Variants in CDC73 observed in about 807,000 individuals in gnomAD.
CDC73 encodes the protein parafibromin.
In CDC73, 21 loss-of-function variants were observed where a neutral mutation model predicts 83.7. The observed-to-expected ratio is 0.25, with a 90% confidence interval of 0.18 to 0.36. The LOEUF (loss-of-function observed/expected upper bound fraction) is 0.36. Ranked by LOEUF, CDC73 falls within the 10% of genes least tolerant of loss-of-function variation. The probability of loss-of-function intolerance (pLI) is 1.00; values close to 1 mark genes in which losing one functional copy is unlikely to be tolerated. For missense variants in CDC73, 342 were observed against 653.3 expected (o/e 0.52, Z 5.19); for synonymous variants, 224 against 212.9 (o/e 1.05, Z -0.45).
At chr1:193,232,915 T>C in intron 13 of CDC73, 78 bp from the exon 14 acceptor site, 2 of 1,278,178 alleles carry the variant, frequency 1.6e-6, no homozygotes, top group Non-Finnish European at 2.2e-6. Flanking sequence ...AAAAAAAAAA[T>C]ATTTCAAATT....
chr1:193,137,350 A>T (rs1397058296), intron 5 of CDC73, among the ~76,000 whole-genome samples: 1 of 152,204 alleles, frequency 6.6e-6, no homozygotes, highest in Non-Finnish European at 1.5e-5. Context: ...GAGTATGCTG[A>T]TGCTTTTTAT....
At position 193,184,500 on chromosome 1, in the gene CDC73, GTATT is replaced by G. The variant is rs527885195; in HGVS notation, c.973-19291_973-19288del. 4.1e-3 allele frequency among the ~76,000 whole-genome samples: 624 copies of G among 151,958 alleles called. 5 individuals carry two copies. Among genetic ancestry groups the G allele is most frequent in the African/African-American group, 0.014 (589 of 41,530 alleles). On this transcript the variant is annotated intron_variant, in intron 10 of 16. Coordinates refer to ENST00000367435, the MANE Select transcript of CDC73 (RefSeq NM_024529.5). ...TTTGATATCTTCACATTATTAATGTGTATTTATAGCTTGTGGATGAAGTTCATGG... is the reference window on the plus strand; with the variant it reads ...TTTGATATCTTCACATTATTAATGTGTATAGCTTGTGGATGAAGTTCATGG...
At chr1:193,206,892 C>G (rs927538976) in intron 11 of CDC73, among the ~76,000 whole-genome samples, 2 of 152,038 alleles carry the variant, frequency 1.3e-5, no homozygotes, top group Non-Finnish European at 2.9e-5. Flanking sequence ...CACTTTAAAC[C>G]TATAAAGCTC....
intron 15 of CDC73, among the ~76,000 whole-genome samples, chr1:193,247,384 C>T (rs1321802334): frequency 6.7e-6 from 1 of 149,482 alleles, no homozygotes; most frequent in Non-Finnish European, 1.5e-5. Flanking sequence ...AGTCCCTCAT[C>T]TCTCTCTCTC....
chr1:193,245,683 C>G (rs1291822141), intron 15 of CDC73, among the ~76,000 whole-genome samples: 1 of 151,998 alleles, frequency 6.6e-6, no homozygotes, highest in Non-Finnish European at 1.5e-5. Flanking sequence ...TATGGTAGTT[C>G]TCTTGGTAGT....
intron 10 of CDC73, among the ~76,000 whole-genome samples, chr1:193,174,056 AT>A (rs1226884824): frequency 6.6e-6 from 1 of 151,712 alleles, no homozygotes; most frequent in East Asian, 1.9e-4. Context: ...AAAATTGTAA[AT>A]TTTTTTCCCA....
rs539512159 is a variant in CDC73, at chr1:193,191,584, C to T, written c.973-12211C>T. On this transcript the variant is annotated intron_variant, in intron 10 of 16. Coordinates refer to ENST00000367435, the MANE Select transcript of CDC73 (RefSeq NM_024529.5). ...TGTATTTTTAGTAGAGTCGCGGTTT[C>T]GTCATGTTGCAGGCTGGTCTCAAAC... Among the ~76,000 whole-genome samples, 1,228 of 152,064 alleles carry T rather than the reference C, an allele frequency of 8.1e-3. 13 individuals are homozygous for T. Among genetic ancestry groups the T allele is most frequent in the Non-Finnish European group, 0.012 (825 of 67,984 alleles).
intron 10 of CDC73, among the ~76,000 whole-genome samples, chr1:193,193,183 C>T (rs1286911457): frequency 6.6e-6 from 1 of 152,308 alleles, no homozygotes; most frequent in East Asian, 1.9e-4. Context: ...ATTCTGTGCC[C>T]TGCCCCCAAC....
intron 5 of CDC73, chr1:193,136,568 A>G (rs1304433590): frequency 1.4e-5 from 3 of 213,774 alleles, no homozygotes; most frequent in African/African-American, 7.0e-5. Flanking sequence ...TGTGCATATC[A>G]TCTATGAGCG....
intron 13 of CDC73, among the ~76,000 whole-genome samples, chr1:193,225,576 T>A (rs1320686188): frequency 6.6e-6 from 1 of 152,176 alleles, no homozygotes; most frequent in Admixed American, 6.5e-5. Context: ...TCTATTGTTT[T>A]TTGATTTTTT....
intron 11 of CDC73, among the ~76,000 whole-genome samples, chr1:193,209,882 C>T (rs969545320): frequency 2.6e-5 from 4 of 152,142 alleles, no homozygotes; most frequent in East Asian, 1.9e-4. Context: ...TCCTCTCCCC[C>T]CTCTCTGCCT....
chr1:193,201,618 A>G (rs1042246007), intron 10 of CDC73, among the ~76,000 whole-genome samples: 35 of 152,318 alleles, frequency 2.3e-4, no homozygotes, highest in African/African-American at 8.4e-4. Context: ...TGGGTCATCA[A>G]ACAAGGATTA....
chr1:193,243,229 C>T (rs183212239), intron 15 of CDC73, among the ~76,000 whole-genome samples: 21 of 152,168 alleles, frequency 1.4e-4, no homozygotes, highest in South Asian at 8.3e-4. Context: ...CGTGAGCCAC[C>T]GTGCCCAGCT....
At chr1:193,218,578 G>A (rs1403236166) in intron 13 of CDC73, among the ~76,000 whole-genome samples, 2 of 152,158 alleles carry the variant, frequency 1.3e-5, no homozygotes, top group African/African-American at 2.4e-5. Flanking sequence ...ACAGACCAAT[G>A]GAACAAGTTA....
At chr1:193,165,952 T>A (rs1260892185) in intron 10 of CDC73, among the ~76,000 whole-genome samples, 1 of 152,262 alleles carries the variant, frequency 6.6e-6, no homozygotes, top group Non-Finnish European at 1.5e-5. Flanking sequence ...ACATGTAAGT[T>A]CTGTTATGCC....
At position 193,253,824 on chromosome 1, in the gene CDC73, TTAAA is replaced by T. The variant is rs1678088141; in HGVS notation, c.*3116_*3119del. 1 of 228,918 alleles carries T rather than the reference TTAAA, an allele frequency of 4.4e-6. No homozygotes were observed. The highest frequency in any genetic ancestry group is 1.8e-4 in the South Asian group (1 of 5,506). 14.2% of individuals were successfully genotyped at this position (228,918 alleles called of 1,614,324 possible). A position where few individuals can be genotyped will look rare whatever the true frequency, so the allele number is the denominator to read the frequency against. ...AGAAAAGTAAAAGTAAACTATTCATTTAAATAAGATTCATTATCTAATAAATATT... is the reference window on the plus strand; with the variant it reads ...AGAAAAGTAAAAGTAAACTATTCATTTAAGATTCATTATCTAATAAATATT... On this transcript the variant is annotated 3_prime_UTR_variant, in exon 17 of 17. Coordinates refer to ENST00000367435, the MANE Select transcript of CDC73 (RefSeq NM_024529.5).
At chr1:193,148,086 T>C (rs776825855) in intron 8 of CDC73, 121 bp downstream of exon 8, 1 of 740,384 alleles carries the variant, frequency 1.4e-6, no homozygotes, top group Non-Finnish European at 2.4e-6. Flanking sequence ...TTTGCTCCTT[T>C]AGCATATCTG....
Position 193,223,288 on chromosome 1 carries a change from T to C in CDC73, c.1155-9705T>C, listed in dbSNP as rs905529906. Among the ~76,000 whole-genome samples the C allele has an allele frequency of 3.3e-5, 5 of 152,304 alleles. No individual in the cohort carries two copies. The South Asian group carries it at 6.2e-4, about 19-fold the overall frequency. On this transcript the variant is annotated intron_variant, in intron 13 of 16. Coordinates refer to ENST00000367435, the MANE Select transcript of CDC73 (RefSeq NM_024529.5). ...TTACTGTTCATTTTCCTTGGAATTA[T>C]TTTCTGTAGAAATTCTTTGATCTCC...
rs751279026 is a variant in CDC73, at chr1:193,249,879, C to G, written c.1559+8C>G. 28 of 1,611,280 alleles carry G rather than the reference C, an allele frequency of 1.7e-5. No homozygotes were observed. Among genetic ancestry groups the G allele is most frequent in the Middle Eastern group, 1.6e-4 (1 of 6,072 alleles). On this transcript the variant is annotated splice_region_variant and intron_variant, in intron 16 of 16. Transcript: ENST00000367435. ...TTGGGAAACATTGGACAGGTAATTC[C>G]GATTCTAAAATATGCTTGTGTGTGT... is the stretch of plus-strand genomic sequence containing the variant.
Sources: gnomAD v4.1 joint callset for allele counts (sites outside exome capture counted in the v4.1 genomes callset) on GRCh38, gnomAD v4.1.1 for gene constraint, MANE v1.5 for transcripts, NCBI Gene and HGNC (gene_info 2026-07-23, HGNC 2026-07-21) for gene names.